Variants in SPEF2 observed in about 807,000 individuals in gnomAD.
SPEF2 encodes the protein sperm flagella and cilia-associated protein 2.
SPEF2 carries 187 observed loss-of-function variants against 224.6 expected under a neutral mutation model. That is an observed-to-expected ratio of 0.83 (90% CI 0.74 to 0.94). The LOEUF (loss-of-function observed/expected upper bound fraction) is 0.94. SPEF2 is among the 40% of genes least tolerant of loss of function. The pLI is 0.00. For synonymous variants in SPEF2, 715 were observed against 707.3 expected (o/e 1.01, Z -0.17); for missense variants, 2,170 against 2,135.6 (o/e 1.02, Z -0.32).
chr5:35,724,341 A>G (rs1291784508), intron 20 of SPEF2, among the ~76,000 whole-genome samples: 1 of 152,196 alleles, frequency 6.6e-6, no homozygotes, highest in African/African-American at 2.4e-5. Flanking sequence ...GCTCTTAAGT[A>G]CGAGTCTCTT....
intron 36 of SPEF2, among the ~76,000 whole-genome samples, chr5:35,814,120 T>A (rs555417111): frequency 6.6e-6 from 1 of 152,180 alleles, no homozygotes; most frequent in African/African-American, 2.4e-5. Flanking sequence ...GAATACTGGT[T>A]TTTTTGTTCA....
At chr5:35,693,182 G>C (rs1754776315) in intron 12 of SPEF2, among the ~76,000 whole-genome samples, 2 of 152,178 alleles carry the variant, frequency 1.3e-5, no homozygotes, top group South Asian at 4.1e-4. Flanking sequence ...CTCCCACTCA[G>C]CTTCTGGCAG....
chr5:35,677,000 C>A (rs1053214501), intron 10 of SPEF2, among the ~76,000 whole-genome samples: 7 of 152,190 alleles, frequency 4.6e-5, no homozygotes, highest in African/African-American at 1.4e-4. Flanking sequence ...CACCTCTAAG[C>A]TTTTTGGGGG....
intron 30 of SPEF2, among the ~76,000 whole-genome samples, chr5:35,782,940 G>T (rs886662790): frequency 2.6e-5 from 4 of 151,990 alleles, no homozygotes; most frequent in African/African-American, 9.7e-5. Flanking sequence ...AAAAAATAAT[G>T]ACCTTATACA....
chr5:35,711,190 T>A lies in SPEF2; in HGVS notation c.2840-1622T>A, dbSNP rs186406490. ...TTACAATCTTCAGCAGAAGTTGAGA[T>A]GAAAAGAGGAATTATTCACTAAAAA... On this transcript the variant is annotated intron_variant, in intron 19 of 36. Transcript: ENST00000356031. Among the ~76,000 whole-genome samples, 294 of 152,310 alleles carry A rather than the reference T, an allele frequency of 1.9e-3. 2 individuals carry two copies. Among genetic ancestry groups the A allele is most frequent in the African/African-American group, 6.7e-3 (279 of 41,574 alleles).
intron 7 of SPEF2, among the ~76,000 whole-genome samples, chr5:35,656,037 A>G (rs1392382337): frequency 2.0e-5 from 3 of 152,174 alleles, no homozygotes; most frequent in Admixed American, 6.5e-5. Flanking sequence ...GGTAAAATCA[A>G]TAAGACTTAT....
At chr5:35,661,192 C>T (rs985730911) in intron 8 of SPEF2, among the ~76,000 whole-genome samples, 1 of 145,232 alleles carries the variant, frequency 6.9e-6, no homozygotes, top group Non-Finnish European at 1.5e-5. Flanking sequence ...CATTTTATTC[C>T]CTACAGCATT....
chr5:35,712,251 TTTTA>T (rs1029323523), intron 19 of SPEF2, among the ~76,000 whole-genome samples: 1 of 151,940 alleles, frequency 6.6e-6, no homozygotes, highest in South Asian at 2.1e-4. Context: ...TATTTTATTA[TTTTA>T]TTTATTTATT....
rs748473407 is a variant in SPEF2 at position 35,727,930 on chromosome 5, A to G, written c.3063+107A>G. On this transcript the variant is annotated intron_variant, in intron 21 of 36. Transcript: ENST00000356031. ...CTGAAGGCCTTTTACAGCAGGTAAT[A>G]TATATCTATCCATCTGAGATTTTTT... The G allele has an allele frequency of 6.7e-6, 8 of 1,185,516 alleles. No individual in the cohort carries two copies. The African/African-American group carries it at 1.1e-4, about 16-fold the overall frequency. The allele number at this position is 1,185,516 out of a possible 1,614,324, so 73.4% of individuals were successfully genotyped here.
chr5:35,642,991 C>T (rs1746810378), intron 3 of SPEF2, among the ~76,000 whole-genome samples: 1 of 152,182 alleles, frequency 6.6e-6, no homozygotes, highest in African/African-American at 2.4e-5. Context: ...CAACTCTCAG[C>T]TTCAATTTCC....
intron 26 of SPEF2, among the ~76,000 whole-genome samples, chr5:35,765,424 G>A (rs1333649963): frequency 6.6e-6 from 1 of 152,134 alleles, no homozygotes; most frequent in Non-Finnish European, 1.5e-5. Context: ...TGGTACCCAT[G>A]TGCATAGATA....
intron 10 of SPEF2, among the ~76,000 whole-genome samples, chr5:35,672,004 G>C (rs1751265975): frequency 6.6e-6 from 1 of 151,286 alleles, no homozygotes; most frequent in Non-Finnish European, 1.5e-5. Context: ...TAGATCTTTG[G>C]TCTCTTCAAG....
At chr5:35,679,912 G>T (rs1451092550) in intron 10 of SPEF2, among the ~76,000 whole-genome samples, 1 of 152,078 alleles carries the variant, frequency 6.6e-6, no homozygotes, top group Non-Finnish European at 1.5e-5. Context: ...ACAACCATAG[G>T]ATTTTTGGTA....
rs905245865 is a variant in SPEF2 at position 35,709,642 on chromosome 5, T to C, written c.2839+521T>C. On this transcript the variant is annotated intron_variant, in intron 19 of 36. Coordinates refer to ENST00000356031, the MANE Select transcript of SPEF2 (RefSeq NM_024867.4). ...CAAGCTCCTGCCATCTCAGTAAACA[T>C]ATATTTATGGACACAGAGATAAAGA... 1.8e-5 allele frequency: 16 copies of C among 912,494 alleles called. No homozygotes were observed. In the African/African-American group the frequency reaches 3.4e-4, roughly 19 times the overall value. 56.5% of individuals were successfully genotyped at this position (912,494 alleles called of 1,614,324 possible). A position where few individuals can be genotyped will look rare whatever the true frequency, so the allele number is the denominator to read the frequency against.
chr5:35,670,894 A>C, intron 10 of SPEF2: 10 of 985,400 alleles, frequency 1.0e-5, no homozygotes, highest in Non-Finnish European at 1.2e-5. Flanking sequence ...ATTTAAAATA[A>C]CATGAGTTAA....
chr5:35,635,730 A>G lies in SPEF2; in HGVS notation c.162-5701A>G, dbSNP rs993476829. On this transcript the variant is annotated intron_variant, in intron 2 of 36. Coordinates refer to ENST00000356031, the MANE Select transcript of SPEF2 (RefSeq NM_024867.4). ...ATTCTGGTGTTTGCTCTGTTTAGAA[A>G]TAACTCCAAGAACAGTCTTTATATT... Among the ~76,000 whole-genome samples the G allele has an allele frequency of 2.0e-5, 3 of 152,350 alleles. No individual in the cohort carries two copies. The East Asian group carries it at 5.8e-4, about 29-fold the overall frequency.
intron 26 of SPEF2, among the ~76,000 whole-genome samples, chr5:35,769,382 AAAAG>A (rs1752489945): frequency 6.6e-6 from 1 of 152,130 alleles, no homozygotes; most frequent in Admixed American, 6.6e-5. Context: ...TCTGATAAAA[AAAAG>A]AAAGAAAAGA....
At chr5:35,772,050 G>A (rs1281960885) in intron 27 of SPEF2, among the ~76,000 whole-genome samples, 1 of 152,196 alleles carries the variant, frequency 6.6e-6, no homozygotes, top group Non-Finnish European at 1.5e-5. Context: ...CATCTGAAAA[G>A]TCTGTGCAGA....
intron 1 of SPEF2, among the ~76,000 whole-genome samples, chr5:35,619,550 G>T (rs1743196425): frequency 6.6e-6 from 1 of 151,878 alleles, no homozygotes; most frequent in African/African-American, 2.4e-5. Context: ...CGTGGCGGGT[G>T]CCTGTAGTCC....
Sources: gnomAD v4.1 joint callset for allele counts (sites outside exome capture counted in the v4.1 genomes callset) on GRCh38, gnomAD v4.1.1 for gene constraint, MANE v1.5 for transcripts, NCBI Gene and HGNC (gene_info 2026-07-23, HGNC 2026-07-21) for gene names.